Variants in PARD3B observed in about 807,000 individuals in gnomAD.
PARD3B encodes par-3 family cell polarity regulator beta, also known as partitioning defective 3 homolog B.
Under a neutral mutation model 130.2 loss-of-function variants are expected in PARD3B, and 103 were observed. That is an observed-to-expected ratio of 0.79 (90% CI 0.67 to 0.93). The LOEUF (loss-of-function observed/expected upper bound fraction) is 0.93. PARD3B is among the 40% of genes least tolerant of loss of function. PARD3B has a pLI of 0.00. For synonymous variants in PARD3B, 583 were observed against 553.2 expected (o/e 1.05, Z -0.76); for missense variants, 1,609 against 1,499.2 (o/e 1.07, Z -1.21).
Position 205,447,719 on chromosome 2 carries a change from A to T in PARD3B, c.3044+7047A>T, listed in dbSNP as rs146176138. On this transcript the variant is annotated intron_variant, in intron 20 of 22. Coordinates refer to ENST00000406610, the MANE Select transcript of PARD3B (RefSeq NM_001302769.2). ...AAGTTGGCTAGCACCTTCAGTGGTC[A>T]AGCCTCACGTCCCACTCATCAGAGG... Among the ~76,000 whole-genome samples the T allele has an allele frequency of 4.6e-3, 701 of 152,328 alleles. 4 individuals are homozygous for T. Among genetic ancestry groups the T allele is most frequent in the Non-Finnish European group, 5.1e-3 (346 of 68,024 alleles).
chr2:205,295,243 T>C (rs574555182), intron 16 of PARD3B, among the ~76,000 whole-genome samples: 1 of 152,324 alleles, frequency 6.6e-6, no homozygotes, highest in African/African-American at 2.4e-5. Flanking sequence ...CAACTCCCCA[T>C]GCAGCAGGAA....
intron 11 of PARD3B, among the ~76,000 whole-genome samples, chr2:205,171,330 G>T (rs2035163551): frequency 6.6e-6 from 1 of 152,134 alleles, no homozygotes; most frequent in Non-Finnish European, 1.5e-5. Flanking sequence ...AATGCACTGT[G>T]GTCCCTTCAA....
chr2:204,709,640 C>T (rs142160908), intron 2 of PARD3B, among the ~76,000 whole-genome samples: 110 of 152,220 alleles, frequency 7.2e-4, no homozygotes, highest in African/African-American at 2.2e-3. Flanking sequence ...TAGTGTCATA[C>T]GTTTGATGTG....
intron 3 of PARD3B, among the ~76,000 whole-genome samples, chr2:205,028,381 A>G (rs890247202): frequency 1.3e-5 from 2 of 152,202 alleles, no homozygotes; most frequent in African/African-American, 4.8e-5. Flanking sequence ...TTAATAGATT[A>G]TTTGACCAAA....
At chr2:205,049,501 A>G (rs1255655608) in intron 4 of PARD3B, among the ~76,000 whole-genome samples, 2 of 152,152 alleles carry the variant, frequency 1.3e-5, no homozygotes, top group African/African-American at 2.4e-5. Context: ...TTTACAATTC[A>G]AGATGTGATT....
At chr2:204,597,279 TTAA>T (rs1172551685) in intron 1 of PARD3B, among the ~76,000 whole-genome samples, 3 of 152,046 alleles carry the variant, frequency 2.0e-5, no homozygotes, top group Non-Finnish European at 4.4e-5. Context: ...GGTAGCGATC[TTAA>T]TGATGCCCAT....
At chr2:205,333,535 G>A (rs1170571499) in intron 18 of PARD3B, among the ~76,000 whole-genome samples, 5 of 152,116 alleles carry the variant, frequency 3.3e-5, no homozygotes, top group Non-Finnish European at 7.4e-5. Context: ...TCTTCCTAGT[G>A]TGGCACTCAG....
intron 13 of PARD3B, among the ~76,000 whole-genome samples, chr2:205,178,288 A>T (rs1476701722): frequency 6.6e-6 from 1 of 150,534 alleles, no homozygotes; most frequent in East Asian, 2.0e-4. Context: ...AATACTCAGT[A>T]TGTCTTTTCT....
At chr2:205,545,821 A>G (rs1263995037) in intron 21 of PARD3B, among the ~76,000 whole-genome samples, 1 of 152,176 alleles carries the variant, frequency 6.6e-6, no homozygotes, top group East Asian at 1.9e-4. Flanking sequence ...TGAATTGTTA[A>G]AAAATGTTTG....
intron 21 of PARD3B, among the ~76,000 whole-genome samples, chr2:205,517,611 T>C (rs1275953946): frequency 6.6e-6 from 1 of 152,172 alleles, no homozygotes; most frequent in Non-Finnish European, 1.5e-5. Flanking sequence ...TTATTTCTTA[T>C]CTTCTGCTAG....
chr2:205,000,036 G>A (rs534188992), intron 3 of PARD3B, among the ~76,000 whole-genome samples: 6 of 147,222 alleles, frequency 4.1e-5, no homozygotes, highest in East Asian at 3.9e-4. Context: ...TTTTTTTATC[G>A]TGCTCCTTTT....
At chr2:205,185,663 G>C in intron 13 of PARD3B, 101 bp from the exon 14 acceptor site, 1 of 864,366 alleles carries the variant, frequency 1.2e-6, no homozygotes, top group South Asian at 1.4e-5. Flanking sequence ...GCTGGTTTAT[G>C]TGTTGGCTAA....
chr2:204,884,047 C>G (rs1449524213), intron 2 of PARD3B, among the ~76,000 whole-genome samples: 1 of 152,128 alleles, frequency 6.6e-6, no homozygotes, highest in Non-Finnish European at 1.5e-5. Context: ...ACTCTATTTT[C>G]TTTATGGGAA....
intron 15 of PARD3B, among the ~76,000 whole-genome samples, chr2:205,216,695 G>T (rs2037928131): frequency 6.6e-6 from 1 of 152,130 alleles, no homozygotes; most frequent in Non-Finnish European, 1.5e-5. Context: ...TATTTATGGG[G>T]CAGAATGATG....
intron 13 of PARD3B, among the ~76,000 whole-genome samples, chr2:205,178,372 A>C (rs1351331756): frequency 6.6e-6 from 1 of 151,890 alleles, no homozygotes; most frequent in Non-Finnish European, 1.5e-5. Flanking sequence ...AGAATGGTGT[A>C]AACCCAGGAG....
At chr2:204,871,471 G>C (rs2045626856) in intron 2 of PARD3B, among the ~76,000 whole-genome samples, 1 of 151,976 alleles carries the variant, frequency 6.6e-6, no homozygotes. Context: ...CAATGTATGA[G>C]ACAGAATAAC....
At chr2:204,791,241 G>A (rs1413735913) in intron 2 of PARD3B, among the ~76,000 whole-genome samples, 1 of 152,136 alleles carries the variant, frequency 6.6e-6, no homozygotes, top group Non-Finnish European at 1.5e-5. Context: ...CTTTTAAGTT[G>A]ACCCTTGACC....
intron 2 of PARD3B, among the ~76,000 whole-genome samples, chr2:204,706,606 A>G (rs2038173254): frequency 6.6e-6 from 1 of 152,108 alleles, no homozygotes; most frequent in Non-Finnish European, 1.5e-5. Flanking sequence ...GACATGAGGA[A>G]AGATTTTAAG....
intron 2 of PARD3B, among the ~76,000 whole-genome samples, chr2:204,872,346 G>A (rs758621690): frequency 1.2e-4 from 18 of 151,958 alleles, no homozygotes; most frequent in Non-Finnish European, 2.4e-4. Context: ...TATTTCACAA[G>A]GAAGGATTAA....
Sources: gnomAD v4.1 joint callset for allele counts (sites outside exome capture counted in the v4.1 genomes callset) on GRCh38, gnomAD v4.1.1 for gene constraint, MANE v1.5 for transcripts, NCBI Gene and HGNC (gene_info 2026-07-23, HGNC 2026-07-21) for gene names.